The following SLC19A3 variants were observed in gnomAD, a reference collection of about 807,000 sequenced individuals.
SLC19A3 encodes the protein thiamine transporter 2.
A neutral mutation model predicts 40.2 loss-of-function variants in SLC19A3; 31 were observed. The ratio of observed to expected loss-of-function variants is 0.77; its 90% confidence interval spans 0.58 to 1.04. The LOEUF (loss-of-function observed/expected upper bound fraction) is 1.04. Ranked by LOEUF, SLC19A3 falls within the 50% of genes least tolerant of loss-of-function variation. SLC19A3 has a pLI of 0.00. For synonymous variants in SLC19A3, 212 were observed against 227.5 expected, an observed-to-expected ratio of 0.93 and a Z score of 0.61; for missense variants, 592 against 596.7, an observed-to-expected ratio of 0.99 and a Z score of 0.08.
intron 1 of SLC19A3, among the ~76,000 whole-genome samples, chr2:227,717,712 G>A (rs1283781263): frequency 6.6e-6 from 1 of 152,112 alleles, no homozygotes; most frequent in African/African-American, 2.4e-5. Flanking sequence ...TTTAATCTGC[G>A]CTTCCAGAAG....
At chr2:227,715,399 TA>T (rs1696298713) in intron 1 of SLC19A3, among the ~76,000 whole-genome samples, 1 of 152,146 alleles carries the variant, frequency 6.6e-6, no homozygotes, top group Non-Finnish European at 1.5e-5. Context: ...TTTAAAATTT[TA>T]TTTTTAGTAA....
rs1203259286 is a variant in SLC19A3, at chr2:227,699,565, C to G, written c.151-1G>C. The G allele has an allele frequency of 6.2e-7, 1 of 1,613,892 alleles. No homozygotes were observed. Among genetic ancestry groups the G allele is most frequent in the Admixed American group, 1.7e-5 (1 of 60,014 alleles). On this transcript the variant is annotated splice_acceptor_variant, in intron 2 of 5. Coordinates refer to ENST00000644224, the MANE Select transcript of SLC19A3 (RefSeq NM_025243.4). LOFTEE classifies it high-confidence loss of function. ...AAACGGGGAAGATCTCATTTGTTAT[C>G]TGCAAAGTTGGTAAATTGCATGACC... is the stretch of plus-strand genomic sequence containing the variant.
At chr2:227,704,758 A>G (rs1695862622) in intron 1 of SLC19A3, among the ~76,000 whole-genome samples, 1 of 152,214 alleles carries the variant, frequency 6.6e-6, no homozygotes, top group Non-Finnish European at 1.5e-5. Context: ...ACTGCACTCC[A>G]GTCTGGGTGA....
intron 1 of SLC19A3, among the ~76,000 whole-genome samples, chr2:227,710,424 G>A (rs938845324): frequency 6.6e-5 from 10 of 152,142 alleles, no homozygotes; most frequent in Non-Finnish European, 1.3e-4. Context: ...GGCTGGGTGC[G>A]GTGGCTTACA....
At chr2:227,713,195 A>G (rs1574581863) in intron 1 of SLC19A3, among the ~76,000 whole-genome samples, 1 of 151,928 alleles carries the variant, frequency 6.6e-6, no homozygotes. Context: ...TGAGGCCGGG[A>G]GTTCAAGATC....
At chr2:227,716,392 C>T (rs1052229283) in intron 1 of SLC19A3, among the ~76,000 whole-genome samples, 2 of 152,126 alleles carry the variant, frequency 1.3e-5, no homozygotes, top group African/African-American at 4.8e-5. Context: ...GAAGCCGATA[C>T]CCCAAAATAT....
chr2:227,696,350 G>A (rs1435980369), intron 3 of SLC19A3, among the ~76,000 whole-genome samples: 2 of 152,186 alleles, frequency 1.3e-5, no homozygotes, highest in Non-Finnish European at 2.9e-5. Flanking sequence ...ATTCTGCAGA[G>A]GGGCCAGAAA....
At chr2:227,712,671 C>T (rs572665691) in intron 1 of SLC19A3, among the ~76,000 whole-genome samples, 1 of 152,232 alleles carries the variant, frequency 6.6e-6, no homozygotes, top group South Asian at 2.1e-4. Context: ...TGAGAAGCAA[C>T]TAAATGTCCA....
intron 5 of SLC19A3, 101 bp downstream of exon 5, chr2:227,688,065 A>C (rs1403548873): frequency 7.7e-7 from 1 of 1,299,778 alleles, no homozygotes. Context: ...TGTATTTTTT[A>C]ATTGCTTAAC....
At chr2:227,698,194 T>A (rs544928882) in intron 3 of SLC19A3, among the ~76,000 whole-genome samples, 25 of 152,190 alleles carry the variant, frequency 1.6e-4, no homozygotes, top group Admixed American at 1.6e-3. Flanking sequence ...GGAGTCTCGC[T>A]CTGTCATCCA....
At chr2:227,688,868 AT>A (rs1295323550) in intron 4 of SLC19A3, among the ~76,000 whole-genome samples, 9 of 152,170 alleles carry the variant, frequency 5.9e-5, no homozygotes, top group African/African-American at 2.2e-4. Context: ...ACGCAAAGAA[AT>A]TCAAGATAAC....
intron 4 of SLC19A3, among the ~76,000 whole-genome samples, chr2:227,688,699 C>A (rs1053193506): frequency 1.3e-5 from 2 of 152,152 alleles, no homozygotes; most frequent in African/African-American, 4.8e-5. Context: ...ACAATAAATA[C>A]AACTCTTCAA....
At chr2:227,700,921 C>G in intron 2 of SLC19A3, 1 of 1,299,458 alleles carries the variant, frequency 7.7e-7, no homozygotes, top group Non-Finnish European at 1.0e-6. Flanking sequence ...ACCTTGACAC[C>G]TGGATCACTG....
chr2:227,711,391 G>T (rs1696130408), intron 1 of SLC19A3, among the ~76,000 whole-genome samples: 2 of 151,372 alleles, frequency 1.3e-5, no homozygotes, highest in Middle Eastern at 6.8e-3. Context: ...CTGCATTGTG[G>T]CCTGGGTGAC....
At chr2:227,706,349 T>G (rs1235520817) in intron 1 of SLC19A3, 3 of 1,231,576 alleles carry the variant, frequency 2.4e-6, no homozygotes, top group Non-Finnish European at 3.0e-6. Flanking sequence ...TCCCCTTCAT[T>G]TTCTGTGTGT....
chr2:227,689,962 G>A (rs967122036), intron 4 of SLC19A3, among the ~76,000 whole-genome samples: 1 of 152,148 alleles, frequency 6.6e-6, no homozygotes, highest in Non-Finnish European at 1.5e-5. Flanking sequence ...TTATAAGATA[G>A]TATTGCAAGC....
At chr2:227,690,447 C>T (rs1228481026) in intron 4 of SLC19A3, among the ~76,000 whole-genome samples, 5 of 151,904 alleles carry the variant, frequency 3.3e-5, no homozygotes, top group African/African-American at 1.2e-4. Context: ...GTGGCTCATG[C>T]CTGTAATCCC....
intron 1 of SLC19A3, 75 bp downstream of exon 1, chr2:227,717,868 A>G (rs1411983805): frequency 1.0e-6 from 1 of 972,118 alleles, no homozygotes; most frequent in Non-Finnish European, 1.2e-6. Flanking sequence ...AAACCCGGGA[A>G]GAGAGAGGCG....
intron 1 of SLC19A3, 158 bp from the exon 2 acceptor site, chr2:227,702,478 G>A: frequency 1.5e-6 from 1 of 684,052 alleles, no homozygotes; most frequent in Non-Finnish European, 2.4e-6. Context: ...ATTGCAACCT[G>A]TGCCTCCCGG....
Sources: gnomAD v4.1 joint callset for allele counts (sites outside exome capture counted in the v4.1 genomes callset) on GRCh38, gnomAD v4.1.1 for gene constraint, MANE v1.5 for transcripts, NCBI Gene and HGNC (gene_info 2026-07-23, HGNC 2026-07-21) for gene names.